The following KIF2A variants were observed in gnomAD, a reference collection of about 807,000 sequenced individuals.
KIF2A encodes kinesin-like protein KIF2A.
A neutral mutation model predicts 100.2 loss-of-function variants in KIF2A; 22 were observed. The ratio of observed to expected loss-of-function variants is 0.22; its 90% CI spans 0.16 to 0.31. KIF2A has a LOEUF of 0.31. KIF2A is among the 10% of genes least tolerant of loss of function. The pLI, the probability that KIF2A is intolerant of heterozygous loss-of-function variation, is 1.00. For missense variants in KIF2A, 495 were observed against 898.7 expected, an observed-to-expected ratio of 0.55 and a Z score of 5.74; for synonymous variants, 268 against 285.9, an observed-to-expected ratio of 0.94 and a Z score of 0.63.
intron 1 of KIF2A, among the ~76,000 whole-genome samples, chr5:62,340,168 C>G (rs531186596): frequency 6.6e-6 from 1 of 152,062 alleles, no homozygotes; most frequent in Non-Finnish European, 1.5e-5. Flanking sequence ...AACTCCTGAT[C>G]TCTGGTGATC....
rs908752604 is a variant in KIF2A at position 62,389,601 on chromosome 5, G to A, written c.*4032G>A. Among the ~76,000 whole-genome samples, 1 of 151,532 alleles carries A rather than the reference G, an allele frequency of 6.6e-6. No individual in the cohort carries two copies. Among genetic ancestry groups the A allele is most frequent in the Admixed American group, 6.6e-5 (1 of 15,190 alleles). On this transcript the variant is annotated 3_prime_UTR_variant, in exon 21 of 21. Coordinates refer to ENST00000407818, the MANE Select transcript of KIF2A (RefSeq NM_001098511.3). Reference sequence around the variant, plus strand: ...AGAGCCTTTATGTCGTAATGAATTTGACTAAAATTATCTTAGACTTTCATT... The same window carrying A: ...AGAGCCTTTATGTCGTAATGAATTTAACTAAAATTATCTTAGACTTTCATT...
rs144458602 is a variant in KIF2A at position 62,324,399 on chromosome 5, G to C, written c.64+17863G>C. 8.1e-4 allele frequency among the ~76,000 whole-genome samples: 124 copies of C among 152,192 alleles called. 1 individual carries two copies. Among genetic ancestry groups the C allele is most frequent in the African/African-American group, 2.7e-3 (113 of 41,530 alleles). On this transcript the variant is annotated intron_variant, in intron 1 of 20. Transcript: ENST00000407818. ...TGAACCAAAAAAGAACCTAATAGCC[G>C]AAACAATCCTAAGCAAAAATAACAA...
chr5:62,365,496 CT>C (rs1201869886), intron 15 of KIF2A, 143 bp downstream of exon 15: 1 of 523,582 alleles, frequency 1.9e-6, no homozygotes, highest in Non-Finnish European at 3.3e-6. Context: ...GATGTGGTCC[CT>C]GCCACTCTGA....
Position 62,363,687 on chromosome 5 carries a change from C to T in KIF2A, c.1263-8C>T. ...TAATGTATCAAGATGTCCTTAATCA[C>T]ATTGTAGAACATCCGGTCAAACATC... On this transcript the variant is annotated splice_region_variant and splice_polypyrimidine_tract_variant and intron_variant, in intron 13 of 20. Coordinates refer to ENST00000407818, the MANE Select transcript of KIF2A (RefSeq NM_001098511.3). The T allele has an allele frequency of 6.2e-7, 1 of 1,610,300 alleles. No individual in the cohort carries two copies.
intron 9 of KIF2A, among the ~76,000 whole-genome samples, chr5:62,358,684 T>C (rs1278395843): frequency 3.3e-5 from 5 of 152,356 alleles, no homozygotes; most frequent in African/African-American, 1.2e-4. Flanking sequence ...TTGAAATGTT[T>C]GTTTGAGGCA....
intron 1 of KIF2A, among the ~76,000 whole-genome samples, chr5:62,344,036 A>T (rs968427806): frequency 3.9e-5 from 6 of 152,068 alleles, no homozygotes; most frequent in African/African-American, 1.4e-4. Flanking sequence ...TTTGAGCTTT[A>T]TTTTTCTCAT....
rs1343686378 is a variant in KIF2A, at chr5:62,390,607, C to T, written c.*5038C>T. ...AGGAGCAGGAAGGGAGGAACCTGCACACCACATTGGAACCTGCACACCACA... is the reference window on the plus strand; with the variant it reads ...AGGAGCAGGAAGGGAGGAACCTGCATACCACATTGGAACCTGCACACCACA... On this transcript the variant is annotated 3_prime_UTR_variant, in exon 21 of 21. Coordinates refer to ENST00000407818, the MANE Select transcript of KIF2A (RefSeq NM_001098511.3). Among the ~76,000 whole-genome samples, 1 of 152,130 alleles carries T rather than the reference C, an allele frequency of 6.6e-6. No individual in the cohort carries two copies. The highest frequency in any genetic ancestry group is 1.5e-5 in the Non-Finnish European group (1 of 68,038).
intron 20 of KIF2A, among the ~76,000 whole-genome samples, chr5:62,384,336 A>G (rs533199209): frequency 6.6e-6 from 1 of 152,236 alleles, no homozygotes; most frequent in Non-Finnish European, 1.5e-5. Flanking sequence ...TAACTTTTTA[A>G]ACATCACTGT....
Position 62,363,711 on chromosome 5 carries a change from T to C in KIF2A, c.1279T>C (p.Ser427Pro), listed in dbSNP as rs1554042228. 1.9e-6 allele frequency: 3 copies of C among 1,613,864 alleles called. No individual in the cohort carries two copies. Among genetic ancestry groups the C allele is most frequent in the Non-Finnish European group, 2.5e-6 (3 of 1,179,772 alleles). The change falls in exon 14 of 21, where the codon TCT becomes CCT. Residue 427 changes from serine to proline, a missense_variant. This residue lies in a region of KIF2A where 38 missense variants were observed against 99.5 expected (regional missense o/e 0.38). Coordinates refer to ENST00000407818, the MANE Select transcript of KIF2A (RefSeq NM_001098511.3). ...GNSCRTSGQT[S>P]ANAHSSRSHA... is the part of the protein sequence containing the mutation. ...ACATTGTAGAACATCCGGTCAAACATCTGCAAATGCACATTCATCTCGGAG... is the reference window on the plus strand; with the variant it reads ...ACATTGTAGAACATCCGGTCAAACACCTGCAAATGCACATTCATCTCGGAG...
At chr5:62,308,282 A>G in intron 1 of KIF2A, 4 of 1,297,942 alleles carry the variant, frequency 3.1e-6, no homozygotes, top group Non-Finnish European at 4.0e-6. Context: ...CTTTCTTGAA[A>G]GAGTGCTGTT....
intron 1 of KIF2A, among the ~76,000 whole-genome samples, chr5:62,341,207 A>G (rs757199217): frequency 6.6e-6 from 1 of 152,188 alleles, no homozygotes; most frequent in Non-Finnish European, 1.5e-5. Flanking sequence ...TGACTCTGCA[A>G]ACTTGTGATT....
intron 1 of KIF2A, among the ~76,000 whole-genome samples, chr5:62,328,366 C>G (rs567539915): frequency 6.8e-6 from 1 of 146,004 alleles, no homozygotes; most frequent in Admixed American, 6.8e-5. Context: ...GAATTGTAAT[C>G]ATATTACATC....
At chr5:62,311,218 A>G (rs1053982850) in intron 1 of KIF2A, among the ~76,000 whole-genome samples, 1 of 152,216 alleles carries the variant, frequency 6.6e-6, no homozygotes, top group Admixed American at 6.5e-5. Context: ...GACTATCAAG[A>G]ACTATGACAG....
At chr5:62,357,931 G>A (rs113471719) in intron 8 of KIF2A, among the ~76,000 whole-genome samples, 186 bp downstream of exon 8, 40 of 152,240 alleles carry the variant, frequency 2.6e-4, no homozygotes, top group African/African-American at 9.6e-4. Context: ...TTGCCATTCC[G>A]AGTCTTGCTT....
chr5:62,312,562 ATTC>A (rs1172654134), intron 1 of KIF2A, among the ~76,000 whole-genome samples: 2 of 152,220 alleles, frequency 1.3e-5, no homozygotes, highest in Admixed American at 1.3e-4. Context: ...TGAGATTACG[ATTC>A]TTAAGAATAG....
chr5:62,308,393 T>A (rs1277550381), intron 1 of KIF2A: 9 of 1,412,678 alleles, frequency 6.4e-6, no homozygotes, highest in Non-Finnish European at 8.7e-6. Flanking sequence ...CACCTGTCCC[T>A]GGTATACACC....
At chr5:62,359,430 TCAC>T (rs912888596) in intron 9 of KIF2A, among the ~76,000 whole-genome samples, 24 of 151,480 alleles carry the variant, frequency 1.6e-4, no homozygotes, top group African/African-American at 5.1e-4. Context: ...CTTTTTGTCT[TCAC>T]CAAGTGTACT....
In KIF2A at chr5:62,382,750, C is replaced by T. The variant is rs113883140; in HGVS notation, c.2149+1497C>T. On this transcript the variant is annotated intron_variant, in intron 20 of 20. Transcript: ENST00000407818. ...CCAGGTTCAAGCAATTTTCCTGCCT[C>T]AGCCTCCCGAGTAGTTGGGATTACA... is the stretch of plus-strand genomic sequence containing the variant. 5.7e-3 allele frequency among the ~76,000 whole-genome samples: 867 copies of T among 151,400 alleles called. 6 individuals are homozygous for T. The highest frequency in any genetic ancestry group is 0.014 in the Middle Eastern group (4 of 292).
At chr5:62,311,441 A>G (rs10471545) in intron 1 of KIF2A, among the ~76,000 whole-genome samples, 96,183 of 151,974 alleles carry the variant, frequency 0.63, 30,588 homozygotes, top group South Asian at 0.68. Flanking sequence ...TTAGTTAAGT[A>G]TTGGTGTAAA....
Sources: gnomAD v4.1 joint callset for allele counts (sites outside exome capture counted in the v4.1 genomes callset) on GRCh38, gnomAD v4.1.1 for gene constraint, gnomAD v4.1.1 regional missense constraint, MANE v1.5 for transcripts, NCBI Gene and HGNC (gene_info 2026-07-23, HGNC 2026-07-21) for gene names.